Variants in LCN6 observed in about 807,000 individuals in gnomAD.
LCN6 encodes epididymal-specific lipocalin-6.
In LCN6, 20 loss-of-function variants were observed where a neutral mutation model predicts 21.4. The observed-to-expected ratio is 0.93, with a 90% CI of 0.66 to 1.36. LCN6 has a LOEUF of 1.36. Among genes scored for constraint, LCN6 ranks in the 40% most tolerant of loss-of-function variants. LCN6 has a pLI of 0.00. For missense variants in LCN6, 217 were observed against 206.6 expected, an observed-to-expected ratio of 1.05 and a Z score of -0.31; for synonymous variants, 96 against 89.0, an observed-to-expected ratio of 1.08 and a Z score of -0.44.
At chr9:136,746,250 G>A (rs1431942835) in intron 2 of LCN6, among the ~76,000 whole-genome samples, 5 of 140,538 alleles carry the variant, frequency 3.6e-5, no homozygotes, top group South Asian at 2.4e-4. Flanking sequence ...GGGTTCGCCC[G>A]TGACTCAGGG....
In LCN6 at chr9:136,744,610, T is replaced by G. The variant is rs1344925358; in HGVS notation, c.*22+30A>C. 1 of 1,452,214 alleles carries G rather than the reference T, an allele frequency of 6.9e-7. No homozygotes were observed. The highest frequency in any genetic ancestry group is 1.8e-5 in the Admixed American group (1 of 54,360). 90.0% of individuals were successfully genotyped at this position (1,452,214 alleles called of 1,614,324 possible). On this transcript the variant is annotated intron_variant, in intron 5 of 6. Transcript: ENST00000341206. The surrounding 1 kb of genome is among the most constrained non-coding windows in gnomAD (Gnocchi z 4.2). The stretch of plus-strand genomic sequence containing the variant: ...TGGGCTCCAGAACTTGCCCCAAGCC[T>G]CCCCCGAGGCTGCTCCGGTGGACAC...
At chr9:136,746,116 ACTTC>A in intron 2 of LCN6, 1 of 577,204 alleles carries the variant, frequency 1.7e-6, no homozygotes, top group East Asian at 2.9e-5. Flanking sequence ...ACTCCCATTC[ACTTC>A]CTGAGAGATC....
In LCN6 at chr9:136,745,221, AGAT is replaced by A. The variant is rs1847021494; in HGVS notation, c.358_360del (p.Ile120del). Reference sequence around the variant, plus strand: ...TCGTCCCCGAACTCCAGCTGAGTGAAGATGATGGCATAGTCTCTGAAGTTGGTG... The same window carrying A: ...TCGTCCCCGAACTCCAGCTGAGTGAAGATGGCATAGTCTCTGAAGTTGGTG... On this transcript the variant is annotated inframe_deletion, in exon 4 of 7. Coordinates refer to ENST00000341206, the MANE Select transcript of LCN6 (RefSeq NM_198946.3). The A allele has an allele frequency of 6.2e-7, 1 of 1,613,696 alleles. No individual in the cohort carries two copies. The highest frequency in any genetic ancestry group is 1.3e-5 in the African/African-American group (1 of 74,934).
chr9:136,747,689 G>GCCCTCTAGCCTCCAGCCTCCAA (rs1847063419), intron 1 of LCN6, 126 bp from the exon 2 acceptor site: 1 of 848,986 alleles, frequency 1.2e-6, no homozygotes, highest in African/African-American at 2.4e-5. Flanking sequence ...CAACCATCCA[G>GCCCTCTAGCCTCCAGCCTCCAA]CCCTCCAGCC....
chr9:136,745,825 C>A lies in LCN6; in HGVS notation c.301+19G>T, dbSNP rs1847029506. 6.2e-7 allele frequency: 1 copy of A among 1,610,686 alleles called. No homozygotes were observed. Among genetic ancestry groups the A allele is most frequent in the Non-Finnish European group, 8.5e-7 (1 of 1,177,230 alleles). ...GCAGGGAAGAACGGCCTGGGTGAGG[C>A]CGTGGCCGTCAGACTCACAGGGATT... On this transcript the variant is annotated intron_variant, in intron 3 of 6. Coordinates refer to ENST00000341206, the MANE Select transcript of LCN6 (RefSeq NM_198946.3).
chr9:136,744,637 C>A lies in LCN6; in HGVS notation c.*22+3G>T. On this transcript the variant is annotated splice_donor_region_variant and intron_variant, in intron 5 of 6. Coordinates refer to ENST00000341206, the MANE Select transcript of LCN6 (RefSeq NM_198946.3). This position sits in a 1 kb window ranked among gnomAD's most constrained non-coding sequence, Gnocchi z 4.2. ...CCCCGAGGCTGCTCCGGTGGACACT[C>A]ACGGTCCTTCTGCAGCTGGGCCTGC... The A allele has an allele frequency of 6.3e-7, 1 of 1,587,782 alleles. No homozygotes were observed. The highest frequency in any genetic ancestry group is 8.6e-7 in the Non-Finnish European group (1 of 1,160,414).
At chr9:136,748,302 G>A in intron 1 of LCN6, 92 bp downstream of exon 1, 1 of 1,140,400 alleles carries the variant, frequency 8.8e-7, no homozygotes. Flanking sequence ...ATGCTGGTCT[G>A]GGCTAGCCCT....
rs942620288 is a variant in LCN6, at chr9:136,744,935, A to T, written c.413-194T>A. Among the ~76,000 whole-genome samples, 6 of 151,372 alleles carry T rather than the reference A, an allele frequency of 4.0e-5. No homozygotes were observed. The highest frequency in any genetic ancestry group is 1.5e-4 in the African/African-American group (6 of 41,096). ...GCATGTGGTCCTGTGCGGCCCACCCACCACACAGCTCCCCACATGGCCCCC... is the reference window on the plus strand; with the variant it reads ...GCATGTGGTCCTGTGCGGCCCACCCTCCACACAGCTCCCCACATGGCCCCC... On this transcript the variant is annotated intron_variant, in intron 4 of 6. Transcript: ENST00000341206. The surrounding 1 kb of genome is among the most constrained non-coding windows in gnomAD (Gnocchi z 4.2).
At chr9:136,745,111 GC>G (rs1847019277) in intron 4 of LCN6, 58 bp downstream of exon 4, 3 of 161,558 alleles carry the variant, frequency 1.9e-5, no homozygotes, top group South Asian at 1.3e-4. Flanking sequence ...CCCAACGTGG[GC>G]CCCGAGTGGC....
In LCN6 at chr9:136,747,103, G is replaced by A. The variant is rs1588302158; in HGVS notation, c.230+321C>T. ...AATTCCCGAAAAAGGCCTGCTGAGA[G>A]GACAGGCTTCCCCAGCTCTGACCAC... is the stretch of plus-strand genomic sequence containing the variant. On this transcript the variant is annotated intron_variant, in intron 2 of 6. Coordinates refer to ENST00000341206, the MANE Select transcript of LCN6 (RefSeq NM_198946.3). 6.9e-5 allele frequency: 21 copies of A among 304,700 alleles called. No homozygotes were observed. The East Asian group carries it at 1.1e-3, about 16-fold the overall frequency. 18.9% of individuals were successfully genotyped at this position (304,700 alleles called of 1,614,324 possible). A position where few individuals can be genotyped will look rare whatever the true frequency, so the allele number is the denominator to read the frequency against.
Position 136,747,517 on chromosome 9 carries a change from C to T in LCN6, c.137G>A (p.Gly46Asp). The stretch of plus-strand genomic sequence containing the variant: ...CTTCATGTCCTTCTCCATGGCAAAG[C>T]CCTTTTCCCGGGAGGCCACCGCAAG... ...YVLAVASREKGFAMEKDMKNV... is the reference protein window; with the variant it reads ...YVLAVASREKDFAMEKDMKNV... The change falls in exon 2 of 7, where the codon GGC becomes GAC. Residue 46 changes from glycine to aspartate, a missense_variant. Physicochemically the swap from Gly to Asp is moderately conservative, Grantham distance 94. Coordinates refer to ENST00000341206, the MANE Select transcript of LCN6 (RefSeq NM_198946.3). 5 of 1,613,386 alleles carry T rather than the reference C, an allele frequency of 3.1e-6. No individual in the cohort carries two copies. The highest frequency in any genetic ancestry group is 4.2e-6 in the Non-Finnish European group (5 of 1,179,862).
At position 136,745,741 on chromosome 9, in the gene LCN6, CT is replaced by C. The variant is rs1847028466; in HGVS notation, c.301+102del. ...TCCCAAGACCAGAACCTGTAGCCTCCTGGCTCTCGGGAGCGGAGTCAGCCCT... is the reference window on the plus strand; with the variant it reads ...TCCCAAGACCAGAACCTGTAGCCTCCGGCTCTCGGGAGCGGAGTCAGCCCT... On this transcript the variant is annotated intron_variant, in intron 3 of 6. Coordinates refer to ENST00000341206, the MANE Select transcript of LCN6 (RefSeq NM_198946.3). 5 of 1,003,024 alleles carry C rather than the reference CT, an allele frequency of 5.0e-6. No homozygotes were observed. In the African/African-American group the frequency reaches 8.0e-5, roughly 16 times the overall value. The allele number at this position is 1,003,024 out of a possible 1,614,324, so 62.1% of individuals were successfully genotyped here.
chr9:136,745,306 G>T (rs750446676), intron 3 of LCN6, 26 bp from the exon 4 acceptor site: 2 of 1,519,308 alleles, frequency 1.3e-6, no homozygotes, highest in Non-Finnish European at 1.8e-6. Flanking sequence ...CCCCGCCTCA[G>T]GGGAGGGCAG....
chr9:136,746,463 C>T (rs974348888), intron 2 of LCN6, among the ~76,000 whole-genome samples: 2 of 152,100 alleles, frequency 1.3e-5, no homozygotes, highest in African/African-American at 4.8e-5. Flanking sequence ...CCAGAGTGAG[C>T]AAAACCCAGC....
chr9:136,744,567 T>C lies in LCN6; in HGVS notation c.*22+73A>G. ...GCCAGAATCAACCCCAGGGTCTCTG[T>C]CACCCCATCACGCCCTGTGGGCTCC... On this transcript the variant is annotated intron_variant, in intron 5 of 6. Coordinates refer to ENST00000341206, the MANE Select transcript of LCN6 (RefSeq NM_198946.3). The surrounding 1 kb of genome is among the most constrained non-coding windows in gnomAD (Gnocchi z 4.2). The C allele has an allele frequency of 1.1e-6, 1 of 927,622 alleles. No homozygotes were observed. The highest frequency in any genetic ancestry group is 2.6e-5 in the East Asian group (1 of 37,740). The allele number at this position is 927,622 out of a possible 1,614,324, so 57.5% of individuals were successfully genotyped here. A position where few individuals can be genotyped will look rare whatever the true frequency, so the allele number is the denominator to read the frequency against.
Position 136,744,285 on chromosome 9 carries a change from C to T in LCN6, c.*48+54G>A, listed in dbSNP as rs562694420. On this transcript the variant is annotated intron_variant, in intron 6 of 6. Coordinates refer to ENST00000341206, the MANE Select transcript of LCN6 (RefSeq NM_198946.3). This position sits in a 1 kb window ranked among gnomAD's most constrained non-coding sequence, Gnocchi z 4.2. ...CACCCACTGTGCGTAGGGTGGCCTC[C>T]CCCACCCCCTTCCCCCAAGAGAGCC... 1.9e-5 allele frequency: 4 copies of T among 205,794 alleles called. No homozygotes were observed. The East Asian group carries it at 3.2e-4, about 17-fold the overall frequency. 12.7% of individuals were successfully genotyped at this position (205,794 alleles called of 1,614,324 possible).
rs551532767 is a variant in LCN6, at chr9:136,745,376, T to C, written c.302-96A>G. On this transcript the variant is annotated intron_variant, in intron 3 of 6. Transcript: ENST00000341206. ...CTGGCCACAGGGACAGAGGGGCCAATTCAAGTGAGAGCCCCCCTCCCCAGG... is the reference window on the plus strand; with the variant it reads ...CTGGCCACAGGGACAGAGGGGCCAACTCAAGTGAGAGCCCCCCTCCCCAGG... 51 of 829,492 alleles carry C rather than the reference T, an allele frequency of 6.1e-5. 1 individual carries two copies. The African/African-American group carries it at 8.3e-4, about 13-fold the overall frequency. The allele number at this position is 829,492 out of a possible 1,614,324, so 51.4% of individuals were successfully genotyped here. A position where few individuals can be genotyped will look rare whatever the true frequency, so the allele number is the denominator to read the frequency against.
At chr9:136,746,282 G>T (rs1273368930) in intron 2 of LCN6, among the ~76,000 whole-genome samples, 2 of 118,552 alleles carry the variant, frequency 1.7e-5, no homozygotes, top group Admixed American at 9.0e-5. Context: ...CGGGGTGGGG[G>T]TTCGCCCGCA....
chr9:136,746,907 G>T (rs1460949463), intron 2 of LCN6: 2 of 153,154 alleles, frequency 1.3e-5, no homozygotes, highest in African/African-American at 4.8e-5. Flanking sequence ...CCACAGCCTG[G>T]CCCACCCGAC....
Sources: allele counts gnomAD v4.1 joint callset (sites outside exome capture counted in the v4.1 genomes callset), GRCh38; gene constraint gnomAD v4.1.1; non-coding constraint Gnocchi (gnomAD v3.1); transcripts MANE v1.5; gene names NCBI Gene and HGNC (gene_info 2026-07-23, HGNC 2026-07-21).